Variants in HROB observed in about 807,000 individuals in gnomAD.
HROB encodes homologous recombination factor with OB-fold.
Under a neutral mutation model 61.0 loss-of-function variants are expected in HROB, and 44 were observed. The observed-to-expected ratio is 0.72, with a 90% confidence interval of 0.57 to 0.93. The LOEUF (loss-of-function observed/expected upper bound fraction) is 0.93. Ranked by LOEUF, HROB falls within the 40% of genes least tolerant of loss-of-function variation. HROB has a pLI of 0.00. For synonymous variants in HROB, 301 were observed against 310.4 expected, an observed-to-expected ratio of 0.97 and a Z score of 0.32; for missense variants, 716 against 796.2, an observed-to-expected ratio of 0.90 and a Z score of 1.21.
chr17:44,148,339 G>A lies in HROB; in HGVS notation c.536G>A (p.Ser179Asn), dbSNP rs2053678747. The change falls in exon 3 of 10, where the codon AGC becomes AAC. Residue 179 changes from serine (S) to asparagine (N), a missense_variant. Coordinates refer to ENST00000585683, the MANE Select transcript of HROB (RefSeq NM_001171251.3). Reference protein sequence around the residue: ...EPGMELECGVSSEAIPILPAQ... With the variant: ...EPGMELECGVNSEAIPILPAQ... ...GGCATGGAGCTGGAATGTGGAGTCA[G>A]CAGTGAGGCCATACCAATCCTGCCT... 1 of 1,614,198 alleles carries A rather than the reference G, an allele frequency of 6.2e-7. No homozygotes were observed. The highest frequency in any genetic ancestry group is 1.6e-4 in the Middle Eastern group (1 of 6,062).
Position 44,148,931 on chromosome 17 carries a change from C to T in HROB, c.1128C>T (p.Val376=), listed in dbSNP as rs2053709684. The change falls in exon 3 of 10, where the codon GTC becomes GTT. Residue 376 remains valine, a synonymous_variant. Transcript: ENST00000585683. ...TCACCAACCACCTGGTGCAGCTAGT[C>T]ACTGCTGCCAGCCGGACACCCCAGC... The part of the protein sequence containing the change: ...PIVTNHLVQL[V]TAASRTPQQP... The T allele has an allele frequency of 1.2e-6, 2 of 1,614,146 alleles. No individual in the cohort carries two copies. The highest frequency in any genetic ancestry group is 8.5e-7 in the Non-Finnish European group (1 of 1,180,018).
rs115530999 is a variant in HROB, at chr17:44,146,070, G to A, written c.54+817G>A. On this transcript the variant is annotated intron_variant, in intron 2 of 9. Coordinates refer to ENST00000585683, the MANE Select transcript of HROB (RefSeq NM_001171251.3). Reference sequence around the variant, plus strand: ...GTGTGAACTTCTTTCTTTTTTTGGAGACAGGATCTCTTTCTGTCACCCAGG... The same window carrying A: ...GTGTGAACTTCTTTCTTTTTTTGGAAACAGGATCTCTTTCTGTCACCCAGG... Among the ~76,000 whole-genome samples, 506 of 152,130 alleles carry A rather than the reference G, an allele frequency of 3.3e-3. 3 individuals carry two copies. Among genetic ancestry groups the A allele is most frequent in the African/African-American group, 0.011 (476 of 41,506 alleles).
At chr17:44,161,759 G>T in intron 9 of HROB, 112 bp from the exon 10 acceptor site, 2 of 1,188,016 alleles carry the variant, frequency 1.7e-6, no homozygotes, top group East Asian at 2.4e-5. Context: ...GGAGCCGCCT[G>T]CCCAGCTATA....
At chr17:44,159,591 C>T (rs921648612) in intron 9 of HROB, among the ~76,000 whole-genome samples, 3 of 152,224 alleles carry the variant, frequency 2.0e-5, no homozygotes, top group East Asian at 1.9e-4. Context: ...GGATGCGCTG[C>T]TATTTATTGT....
chr17:44,159,908 T>C (rs1176330338), intron 9 of HROB, among the ~76,000 whole-genome samples: 1 of 152,208 alleles, frequency 6.6e-6, no homozygotes, highest in Admixed American at 6.5e-5. Flanking sequence ...CGTTGAAGCC[T>C]CCAGATGATT....
At chr17:44,156,971 T>G (rs2053989648) in intron 8 of HROB, among the ~76,000 whole-genome samples, 1 of 152,010 alleles carries the variant, frequency 6.6e-6, no homozygotes, top group East Asian at 1.9e-4. Flanking sequence ...CCAGTTTTTG[T>G]GTTTTTAGTA....
In HROB at chr17:44,161,863, C is replaced by T; in HGVS notation, c.1880-8C>T. The stretch of plus-strand genomic sequence containing the variant: ...CACTAAGGCTACCCATCATTCCCCT[C>T]TCTGTAGATGACCTGGATGGACTCC... On this transcript the variant is annotated splice_polypyrimidine_tract_variant and splice_region_variant and intron_variant, in intron 9 of 9. Coordinates refer to ENST00000585683, the MANE Select transcript of HROB (RefSeq NM_001171251.3). 3 of 1,613,744 alleles carry T rather than the reference C, an allele frequency of 1.9e-6. No individual in the cohort carries two copies. The highest frequency in any genetic ancestry group is 1.3e-5 in the African/African-American group (1 of 75,054).
At chr17:44,150,541 C>T (rs1598094770) in intron 3 of HROB, among the ~76,000 whole-genome samples, 1 of 152,250 alleles carries the variant, frequency 6.6e-6, no homozygotes, top group East Asian at 1.9e-4. Flanking sequence ...AGGCATGGGC[C>T]ACCACGCCTG....
In HROB at chr17:44,142,142, T is replaced by A. The variant is rs1043152956; in HGVS notation, c.-1T>A. 1.7e-5 allele frequency: 26 copies of A among 1,528,090 alleles called. No individual in the cohort carries two copies. In the African/African-American group the frequency reaches 1.9e-4, roughly 11 times the overall value. The allele number at this position is 1,528,090 out of a possible 1,614,324, so 94.7% of individuals were successfully genotyped here. ...CCCGCCGAGGCCCACCCGCCGTCGC[T>A]ATGGTAATGCCGCGCCCAGCTTGGG... On this transcript the variant is annotated 5_prime_UTR_variant, in exon 1 of 10. Coordinates refer to ENST00000585683, the MANE Select transcript of HROB (RefSeq NM_001171251.3).
chr17:44,160,442 G>A (rs535213656), intron 9 of HROB, among the ~76,000 whole-genome samples: 5 of 152,178 alleles, frequency 3.3e-5, no homozygotes, highest in African/African-American at 1.2e-4. Flanking sequence ...GGTGGCGGGC[G>A]CCTGTAGTCC....
At chr17:44,154,490 C>A in intron 5 of HROB, 66 bp from the exon 6 acceptor site, 1 of 1,545,190 alleles carries the variant, frequency 6.5e-7, no homozygotes, top group Non-Finnish European at 8.9e-7. Context: ...CCCTGGCACA[C>A]TTGGAGACCT....
At chr17:44,154,295 T>C in intron 5 of HROB, 1 of 407,124 alleles carries the variant, frequency 2.5e-6, no homozygotes, top group Non-Finnish European at 4.6e-6. Flanking sequence ...TGAGCCAAGA[T>C]TGTGCCATTG....
intron 2 of HROB, chr17:44,147,637 C>T (rs552660451): frequency 6.1e-5 from 29 of 473,642 alleles, no homozygotes; most frequent in East Asian, 4.1e-4. Context: ...GGTTTCGCCA[C>T]GTTGGCCAGG....
Position 44,142,128 on chromosome 17 carries a change from C to A in HROB, c.-15C>A. 6.5e-7 allele frequency: 1 copy of A among 1,529,880 alleles called. No homozygotes were observed. The highest frequency in any genetic ancestry group is 1.4e-5 in the African/African-American group (1 of 72,284). The allele number at this position is 1,529,880 out of a possible 1,614,324, so 94.8% of individuals were successfully genotyped here. On this transcript the variant is annotated 5_prime_UTR_variant, in exon 1 of 10. Coordinates refer to ENST00000585683, the MANE Select transcript of HROB (RefSeq NM_001171251.3). ...GCCGGGCCAACCTCCCCGCCGAGGC[C>A]CACCCGCCGTCGCTATGGTAATGCC...
At chr17:44,152,063 T>G (rs550464880) in intron 4 of HROB, among the ~76,000 whole-genome samples, 2 of 152,180 alleles carry the variant, frequency 1.3e-5, no homozygotes, top group South Asian at 4.1e-4. Context: ...GCCAGGATGG[T>G]CTCCATCTTC....
At chr17:44,146,460 T>G (rs1420188949) in intron 2 of HROB, among the ~76,000 whole-genome samples, 4 of 152,220 alleles carry the variant, frequency 2.6e-5, no homozygotes, top group Non-Finnish European at 5.9e-5. Flanking sequence ...AAAAAGTGAC[T>G]GTTAAAATGA....
intron 2 of HROB, among the ~76,000 whole-genome samples, chr17:44,146,345 C>T (rs1476358444): frequency 1.3e-5 from 2 of 152,256 alleles, no homozygotes; most frequent in Middle Eastern, 3.4e-3. Context: ...CCAGTGGGCC[C>T]GTCCTGATTT....
Position 44,154,514 on chromosome 17 carries a change from T to A in HROB, c.1450-42T>A, listed in dbSNP as rs73314466. On this transcript the variant is annotated intron_variant, in intron 5 of 9. Transcript: ENST00000585683. ...ACTTGGAGACCTGGGAAGTCACAAG[T>A]GGGCCGTGGAAGGCTCAGCATATGC... The A allele has an allele frequency of 4.7e-3, 7,513 of 1,604,388 alleles. 284 individuals are homozygous for A. The African/African-American group carries it at 0.087, about 19-fold the overall frequency.
At chr17:44,144,741 C>CT (rs5820524) in intron 1 of HROB, among the ~76,000 whole-genome samples, 232 of 128,920 alleles carry the variant, frequency 1.8e-3, no homozygotes, top group South Asian at 5.7e-3. Flanking sequence ...ATACTTGGGT[C>CT]TTTTTTTTTT....
Sources: gnomAD v4.1 joint callset for allele counts (sites outside exome capture counted in the v4.1 genomes callset) on GRCh38, gnomAD v4.1.1 for gene constraint, MANE v1.5 for transcripts, NCBI Gene and HGNC (gene_info 2026-07-23, HGNC 2026-07-21) for gene names.